PVT1: variants seen among roughly 807,000 people sequenced by gnomAD.
PVT1 encodes Pvt1 oncogene, also known as CXCR4/PVT1 fusion.
At chr8:128,075,236 A>G (rs1468178093) in intron 5 of PVT1, among the ~76,000 whole-genome samples, 3 of 151,416 alleles carry the variant, frequency 2.0e-5, no homozygotes, top group African/African-American at 2.4e-5. Flanking sequence ...TTATTTTCCT[A>G]CTCTGCTCTG....
chr8:128,074,021 C>T (rs1814046052), intron 5 of PVT1, among the ~76,000 whole-genome samples: 1 of 152,172 alleles, frequency 6.6e-6, no homozygotes, highest in Non-Finnish European at 1.5e-5. Flanking sequence ...ATTTTCTCTT[C>T]TCTTCCCCTC....
intron 4 of PVT1, among the ~76,000 whole-genome samples, chr8:128,009,410 T>C (rs1190137272): frequency 6.6e-6 from 1 of 152,172 alleles, no homozygotes; most frequent in Non-Finnish European, 1.5e-5. Context: ...AATAGCCCTC[T>C]TTCATTCTTT....
chr8:127,927,963 A>C (rs750839540), intron 3 of PVT1, among the ~76,000 whole-genome samples: 17 of 152,218 alleles, frequency 1.1e-4, no homozygotes, highest in South Asian at 2.1e-4. Context: ...GTGGGTGAGA[A>C]GGGCTGTCGT....
chr8:127,982,357 T>C (rs150495047), intron 3 of PVT1, among the ~76,000 whole-genome samples: 1 of 152,246 alleles, frequency 6.6e-6, no homozygotes, highest in Non-Finnish European at 1.5e-5. Context: ...TTAATCATTC[T>C]AGTCTCTTCA....
At chr8:127,959,188 C>G (rs535533719) in intron 3 of PVT1, among the ~76,000 whole-genome samples, 2 of 152,176 alleles carry the variant, frequency 1.3e-5, no homozygotes, top group African/African-American at 4.8e-5. Context: ...CTATCAGTCC[C>G]CTGATTGCTT....
At chr8:127,866,593 G>A (rs1018785894) in intron 2 of PVT1, among the ~76,000 whole-genome samples, 1 of 152,160 alleles carries the variant, frequency 6.6e-6, no homozygotes, top group Admixed American at 6.5e-5. Flanking sequence ...TGGGGTGGTC[G>A]CAGGGGGAAG....
At chr8:127,973,964 G>A (rs1232076240) in intron 3 of PVT1, among the ~76,000 whole-genome samples, 1 of 150,610 alleles carries the variant, frequency 6.6e-6, no homozygotes, top group Non-Finnish European at 1.5e-5. Context: ...TGGGGACAGA[G>A]CGAGACTCCG....
intron 2 of PVT1, among the ~76,000 whole-genome samples, chr8:127,833,897 G>C (rs1378368115): frequency 1.3e-5 from 2 of 152,294 alleles, no homozygotes; most frequent in East Asian, 3.9e-4. Context: ...CACCAGAAGG[G>C]CTTGTTGAAA....
At chr8:127,982,223 A>C (rs1816890084) in intron 3 of PVT1, among the ~76,000 whole-genome samples, 1 of 152,220 alleles carries the variant, frequency 6.6e-6, no homozygotes, top group African/African-American at 2.4e-5. Context: ...GGATTACTTG[A>C]GGCTGGCTTT....
At chr8:127,889,466 T>A (rs1263903576) in intron 2 of PVT1, among the ~76,000 whole-genome samples, 10 of 145,614 alleles carry the variant, frequency 6.9e-5, no homozygotes, top group Non-Finnish European at 1.4e-4. Flanking sequence ...TTTTTTTTTT[T>A]AAAGCTGTGT....
chr8:128,038,808 T>C (rs1428312105), intron 4 of PVT1, among the ~76,000 whole-genome samples: 1 of 152,190 alleles, frequency 6.6e-6, no homozygotes, highest in Non-Finnish European at 1.5e-5. Flanking sequence ...ATAGGTACGT[T>C]GAATCTGGCC....
At chr8:127,942,835 T>C (rs376762846) in intron 3 of PVT1, among the ~76,000 whole-genome samples, 1 of 152,222 alleles carries the variant, frequency 6.6e-6, no homozygotes, top group Non-Finnish European at 1.5e-5. Context: ...GTAGTGGCTG[T>C]TCTGAAGTGG....
intron 2 of PVT1, among the ~76,000 whole-genome samples, chr8:127,819,283 C>G (rs535610610): frequency 6.6e-6 from 1 of 152,224 alleles, no homozygotes; most frequent in East Asian, 1.9e-4. Flanking sequence ...CAAAATGAGG[C>G]TAGTCACTTG....
chr8:127,929,472 A>G (rs533536350), intron 3 of PVT1, among the ~76,000 whole-genome samples: 1 of 152,308 alleles, frequency 6.6e-6, no homozygotes, highest in Non-Finnish European at 1.5e-5. Flanking sequence ...ATAAATGTTA[A>G]TATGTTCTGT....
At chr8:127,923,129 G>T (rs1234842098) in intron 3 of PVT1, among the ~76,000 whole-genome samples, 1 of 152,182 alleles carries the variant, frequency 6.6e-6, no homozygotes, top group African/African-American at 2.4e-5. Flanking sequence ...GGAGGGCTGG[G>T]ACAAGTGACT....
intron 2 of PVT1, among the ~76,000 whole-genome samples, chr8:127,865,780 A>T (rs1815280256): frequency 6.6e-6 from 1 of 152,184 alleles, no homozygotes; most frequent in African/African-American, 2.4e-5. Flanking sequence ...CAGCCCTAGG[A>T]AGTGAATGCA....
rs184018457 is a variant in PVT1 at position 128,069,670 on chromosome 8, A to G, written n.913-490A>G. 2.0e-5 allele frequency among the ~76,000 whole-genome samples: 3 copies of G among 152,156 alleles called. No individual in the cohort carries two copies. The East Asian group carries it at 5.8e-4, about 29-fold the overall frequency. On this transcript the variant is annotated intron_variant and non_coding_transcript_variant, in intron 4 of 10. Coordinates refer to ENST00000651587, the Ensembl canonical transcript of PVT1. ...TCCAAGCTTAGAATCTCCCCACACT[A>G]TCTCCTTGGATGCTCACATAACAGC... is the stretch of plus-strand genomic sequence containing the variant.
chr8:127,832,726 C>T (rs781642777), intron 2 of PVT1, among the ~76,000 whole-genome samples: 12 of 152,042 alleles, frequency 7.9e-5, no homozygotes, highest in South Asian at 2.1e-4. Flanking sequence ...GGCGTGGTGG[C>T]GGGTGCCTGT....
At chr8:128,061,325 T>C (rs974882871) in intron 4 of PVT1, among the ~76,000 whole-genome samples, 2 of 152,240 alleles carry the variant, frequency 1.3e-5, no homozygotes, top group Non-Finnish European at 1.5e-5. Context: ...TTACAACATA[T>C]ACTTCATTCT....
Sources: gnomAD v4.1 joint callset for allele counts (sites outside exome capture counted in the v4.1 genomes callset) on GRCh38, gnomAD v4.1.1 for gene constraint, MANE v1.5 for transcripts, NCBI Gene and HGNC (gene_info 2026-07-23, HGNC 2026-07-21) for gene names.